Variants in COL23A1 observed in about 807,000 individuals in gnomAD.
COL23A1 encodes the protein collagen type XXIII alpha 1 chain, also known as collagen alpha-1(XXIII) chain.
Under a neutral mutation model 99.3 loss-of-function variants are expected in COL23A1, and 97 were observed. That is an observed-to-expected ratio of 0.98 (90% CI 0.83 to 1.16). The LOEUF is 1.16. Ranked by LOEUF, COL23A1 falls within the 50% of genes most tolerant of loss-of-function variation. The pLI is 0.00. For missense variants in COL23A1, 762 were observed against 757.4 expected (o/e 1.01, Z -0.07); for synonymous variants, 320 against 308.2 (o/e 1.04, Z -0.40).
At chr5:178,343,664 T>TATATA (rs141882396) in intron 2 of COL23A1, among the ~76,000 whole-genome samples, 107 of 128,804 alleles carry the variant, frequency 8.3e-4, no homozygotes, top group African/African-American at 2.9e-3. Flanking sequence ...TATATATATA[T>TATATA]TTTTTTTTTT....
intron 1 of COL23A1, chr5:178,561,936 T>A: frequency 2.7e-6 from 1 of 371,504 alleles, no homozygotes; most frequent in South Asian, 2.2e-5. Flanking sequence ...CGCTTCACAG[T>A]TCCACTCCAC....
Position 178,544,889 on chromosome 5 carries a change from G to A in COL23A1, c.361+15793C>T, listed in dbSNP as rs540154790. Reference sequence around the variant, plus strand: ...CAGGGAGGCCAGGCTGAGCAACACAGCAAACCCCGTCTCTAGAACAACAAC... The same window carrying A: ...CAGGGAGGCCAGGCTGAGCAACACAACAAACCCCGTCTCTAGAACAACAAC... On this transcript the variant is annotated intron_variant, in intron 2 of 28. Transcript: ENST00000390654. The surrounding 1 kb of genome is among the most constrained non-coding windows in gnomAD (Gnocchi z 4.4). Among the ~76,000 whole-genome samples, 1 of 152,218 alleles carries A rather than the reference G, an allele frequency of 6.6e-6. No individual in the cohort carries two copies. The highest frequency in any genetic ancestry group is 2.4e-5 in the African/African-American group (1 of 41,544).
intron 5 of COL23A1, among the ~76,000 whole-genome samples, chr5:178,270,919 G>A (rs1383055434): frequency 6.6e-6 from 1 of 152,184 alleles, no homozygotes; most frequent in Non-Finnish European, 1.5e-5. Context: ...CTTTTGTTTT[G>A]CCTTCACTAA....
chr5:178,553,872 T>G (rs1184801071), intron 2 of COL23A1, among the ~76,000 whole-genome samples: 1 of 152,184 alleles, frequency 6.6e-6, no homozygotes, highest in African/African-American at 2.4e-5. Flanking sequence ...TCTCCCTTCC[T>G]CTCTGGCAGC....
At chr5:178,354,710 C>T (rs1423742845) in intron 2 of COL23A1, among the ~76,000 whole-genome samples, 3 of 152,316 alleles carry the variant, frequency 2.0e-5, no homozygotes, top group South Asian at 4.1e-4. Context: ...TCCCCAGAAG[C>T]AGAAGCCACT....
Position 178,307,548 on chromosome 5 carries a change from C to T in COL23A1, c.362-629G>A, listed in dbSNP as rs11956214. On this transcript the variant is annotated intron_variant, in intron 2 of 28. Transcript: ENST00000390654. This position sits in a 1 kb window ranked among gnomAD's most constrained non-coding sequence, Gnocchi z 4.2. The stretch of plus-strand genomic sequence containing the variant: ...GTCCTCCATCCGCGCGCTATAAGCC[C>T]TTCTGAATTTACGGTGCAGAACCCC... Among the ~76,000 whole-genome samples the T allele has an allele frequency of 7.1e-3, 1,076 of 152,286 alleles. 18 individuals carry two copies. The highest frequency in any genetic ancestry group is 0.024 in the African/African-American group (1,012 of 41,558).
chr5:178,315,762 C>CTTT lies in COL23A1; in HGVS notation c.362-8846_362-8844dup, dbSNP rs34604670. On this transcript the variant is annotated intron_variant, in intron 2 of 28. Transcript: ENST00000390654. ...CAACGTTTTCTAGTAGAAGCACTGA[C>CTTT]TTTTTTTTTTTTTTTTTTTTTTCAA... is the stretch of plus-strand genomic sequence containing the variant. 3.3e-3 allele frequency among the ~76,000 whole-genome samples: 321 copies of CTTT among 96,666 alleles called. 7 individuals are homozygous for CTTT. Among genetic ancestry groups the CTTT allele is most frequent in the East Asian group, 0.011 (32 of 2,988 alleles). 63.4% of individuals were successfully genotyped at this position (96,666 alleles called of 152,430 possible).
At chr5:178,253,131 G>A (rs976386814) in intron 16 of COL23A1, among the ~76,000 whole-genome samples, 2 of 152,254 alleles carry the variant, frequency 1.3e-5, no homozygotes, top group East Asian at 3.9e-4. Flanking sequence ...CCACTCTCAA[G>A]CTCCTGTCCT....
At chr5:178,341,987 A>G (rs552388932) in intron 2 of COL23A1, among the ~76,000 whole-genome samples, 1 of 152,186 alleles carries the variant, frequency 6.6e-6, no homozygotes, top group Admixed American at 6.5e-5. Flanking sequence ...TTCGTAACAC[A>G]CCGACCTTCG....
At chr5:178,342,507 G>C (rs565299690) in intron 2 of COL23A1, among the ~76,000 whole-genome samples, 38 of 152,206 alleles carry the variant, frequency 2.5e-4, no homozygotes, top group Non-Finnish European at 5.0e-4. Flanking sequence ...GGAGACACAG[G>C]CTGCTGCTCT....
intron 2 of COL23A1, among the ~76,000 whole-genome samples, chr5:178,375,756 G>A (rs184175370): frequency 1.3e-5 from 2 of 152,218 alleles, no homozygotes; most frequent in Admixed American, 6.5e-5. Flanking sequence ...TGCCCAGGCT[G>A]GAGTGCAGTG....
At chr5:178,463,162 T>G (rs1414799542) in intron 2 of COL23A1, among the ~76,000 whole-genome samples, 1 of 152,238 alleles carries the variant, frequency 6.6e-6, no homozygotes, top group Non-Finnish European at 1.5e-5. Flanking sequence ...GCTCCAAAGA[T>G]TCCAGTTATC....
At chr5:178,487,294 TTA>T (rs1757688239) in intron 2 of COL23A1, among the ~76,000 whole-genome samples, 2 of 123,646 alleles carry the variant, frequency 1.6e-5, no homozygotes, top group Admixed American at 7.8e-5. Context: ...TCAGTTTTAT[TTA>T]TTTATTTATT....
chr5:178,320,896 G>GT (rs1759261141), intron 2 of COL23A1, among the ~76,000 whole-genome samples: 2 of 152,202 alleles, frequency 1.3e-5, no homozygotes, highest in Non-Finnish European at 2.9e-5. Flanking sequence ...CCCAGAGCTG[G>GT]ATCCTGCCTC....
chr5:178,349,481 C>A (rs1439984765), intron 2 of COL23A1, among the ~76,000 whole-genome samples: 1 of 145,712 alleles, frequency 6.9e-6, no homozygotes, highest in African/African-American at 2.5e-5. Flanking sequence ...TCCCCTCCGG[C>A]CCTCCGCTAG....
chr5:178,557,028 A>G (rs1762313240), intron 2 of COL23A1, among the ~76,000 whole-genome samples: 1 of 152,234 alleles, frequency 6.6e-6, no homozygotes, highest in African/African-American at 2.4e-5. Context: ...GCAAAAAATT[A>G]CCACAAGCCC....
At position 178,589,774 on chromosome 5, in the gene COL23A1, G is replaced by A. The variant is rs544412770; in HGVS notation, c.294+130C>T. The A allele has an allele frequency of 1.6e-4, 145 of 929,244 alleles. 1 individual carries two copies. In the South Asian group the frequency reaches 5.6e-3, roughly 36 times the overall value. 57.6% of individuals were successfully genotyped at this position (929,244 alleles called of 1,614,324 possible). ...CGCAGACGTGCCCATCTCTGGGACG[G>A]CCCCGAGCGCACGCAGCCGGCGGGC... On this transcript the variant is annotated intron_variant, in intron 1 of 28. Coordinates refer to ENST00000390654, the MANE Select transcript of COL23A1 (RefSeq NM_173465.4). The surrounding 1 kb of genome is among the most constrained non-coding windows in gnomAD (Gnocchi z 5.4).
intron 1 of COL23A1, among the ~76,000 whole-genome samples, chr5:178,585,745 A>AACG (rs1371181299): frequency 3.3e-3 from 18 of 5,492 alleles, no homozygotes; most frequent in Non-Finnish European, 3.4e-3. Flanking sequence ...GCCCTGGCTG[A>AACG]CCCTGTTGGT....
At position 178,498,205 on chromosome 5, in the gene COL23A1, AATATATATATATATATATATATAT is replaced by A. The variant is rs1159261586; in HGVS notation, c.361+62453_361+62476del. 2.6e-3 allele frequency among the ~76,000 whole-genome samples: 91 copies of A among 34,700 alleles called. 4 individuals carry two copies. The highest frequency in any genetic ancestry group is 0.023 in the Middle Eastern group (2 of 88). 22.8% of individuals were successfully genotyped at this position (34,700 alleles called of 152,430 possible). On this transcript the variant is annotated intron_variant, in intron 2 of 28. Transcript: ENST00000390654. ...CATGGCGAGACCCTGTCTTTATTTA[AATATATATATATATATATATATAT>A]ATATATATATATATATATATATATA...
Sources: allele counts gnomAD v4.1 joint callset (sites outside exome capture counted in the v4.1 genomes callset), GRCh38; gene constraint gnomAD v4.1.1; non-coding constraint Gnocchi (gnomAD v3.1); transcripts MANE v1.5; gene names NCBI Gene and HGNC (gene_info 2026-07-23, HGNC 2026-07-21).